Variants in CSMD1 observed in about 807,000 individuals in gnomAD.
CSMD1 encodes CUB and sushi domain-containing protein 1.
Under a neutral mutation model 417.5 loss-of-function variants are expected in CSMD1, and 213 were observed. That is an observed-to-expected ratio of 0.51 (90% CI 0.46 to 0.57). CSMD1 has a LOEUF of 0.57. CSMD1 is among the 20% of genes least tolerant of loss of function. The pLI is 0.00. For synonymous variants in CSMD1, 2,862 were observed against 1,736.8 expected, an observed-to-expected ratio of 1.65 and a Z score of -16.11; for missense variants, 6,923 against 4,529.7, an observed-to-expected ratio of 1.53 and a Z score of -15.17.
At chr8:4,479,964 TC>T (rs1211352829) in intron 2 of CSMD1, among the ~76,000 whole-genome samples, 14 of 129,950 alleles carry the variant, frequency 1.1e-4, no homozygotes, top group Non-Finnish European at 2.0e-4. Flanking sequence ...AGTCTCTGTC[TC>T]AAAAAAAAAA....
intron 4 of CSMD1, among the ~76,000 whole-genome samples, chr8:4,025,883 C>T (rs922152962): frequency 6.6e-6 from 1 of 151,892 alleles, no homozygotes; most frequent in African/African-American, 2.4e-5. Context: ...ATCACGGCTA[C>T]ATATATAATA....
At chr8:3,090,508 T>G (rs987929274) in intron 48 of CSMD1, among the ~76,000 whole-genome samples, 1 of 152,106 alleles carries the variant, frequency 6.6e-6, no homozygotes, top group African/African-American at 2.4e-5. Flanking sequence ...TTTCAAAATC[T>G]TGATGCTTTT....
intron 11 of CSMD1, among the ~76,000 whole-genome samples, chr8:3,490,061 G>A (rs1264950772): frequency 5.3e-5 from 8 of 152,150 alleles, no homozygotes; most frequent in African/African-American, 1.2e-4. Context: ...AGTATTTGTC[G>A]ATGTATCGCC....
chr8:4,199,357 A>G (rs1482279019), intron 3 of CSMD1, among the ~76,000 whole-genome samples: 3 of 152,212 alleles, frequency 2.0e-5, no homozygotes, highest in Non-Finnish European at 4.4e-5. Context: ...TAAAGCACAT[A>G]GATGCTTTAA....
intron 1 of CSMD1, among the ~76,000 whole-genome samples, chr8:4,738,641 A>G (rs1032118615): frequency 8.5e-5 from 13 of 152,164 alleles, no homozygotes; most frequent in African/African-American, 1.2e-4. Context: ...ACATTTTCCA[A>G]CAGCATCGTT....
intron 2 of CSMD1, among the ~76,000 whole-genome samples, chr8:4,592,562 T>A (rs1292695695): frequency 6.6e-6 from 1 of 152,006 alleles, no homozygotes; most frequent in Non-Finnish European, 1.5e-5. Flanking sequence ...AATTTTTGTA[T>A]TTTTAGTAGA....
chr8:3,927,096 A>G (rs1203900174), intron 5 of CSMD1, among the ~76,000 whole-genome samples: 1 of 151,946 alleles, frequency 6.6e-6, no homozygotes, highest in African/African-American at 2.4e-5. Flanking sequence ...ATCTTTAGGT[A>G]TTATTATCGT....
At chr8:3,658,117 T>C (rs190270956) in intron 7 of CSMD1, among the ~76,000 whole-genome samples, 1 of 152,034 alleles carries the variant, frequency 6.6e-6, no homozygotes, top group South Asian at 2.1e-4. Context: ...TATCATCAAA[T>C]AAAAAACCAA....
At chr8:3,605,274 G>A (rs557304624) in intron 8 of CSMD1, among the ~76,000 whole-genome samples, 119 of 152,264 alleles carry the variant, frequency 7.8e-4, no homozygotes, top group African/African-American at 2.7e-3. Context: ...ACAGGCGTGC[G>A]CCATCGCGCC....
intron 8 of CSMD1, among the ~76,000 whole-genome samples, chr8:3,590,719 C>T (rs576703680): frequency 2.0e-5 from 3 of 152,144 alleles, no homozygotes; most frequent in South Asian, 2.1e-4. Context: ...AGCTGGCAAA[C>T]AGAGCCAATG....
chr8:3,977,532 C>G (rs1449535686), intron 5 of CSMD1, among the ~76,000 whole-genome samples: 1 of 152,082 alleles, frequency 6.6e-6, no homozygotes, highest in African/African-American at 2.4e-5. Context: ...TTGGATTCTG[C>G]TGTTCAGAGC....
chr8:3,398,580 G>C (rs1030679490), intron 16 of CSMD1, among the ~76,000 whole-genome samples: 9 of 152,066 alleles, frequency 5.9e-5, no homozygotes, highest in African/African-American at 1.9e-4. Context: ...TAATATTCCG[G>C]ATACTGAAAT....
chr8:2,967,644 T>G (rs553103962), intron 57 of CSMD1, among the ~76,000 whole-genome samples: 49 of 152,312 alleles, frequency 3.2e-4, no homozygotes, highest in African/African-American at 1.0e-3. Flanking sequence ...AAGTGACCCT[T>G]GGCTGGTTAA....
intron 1 of CSMD1, among the ~76,000 whole-genome samples, chr8:4,954,839 G>A (rs1808982830): frequency 6.6e-6 from 1 of 152,096 alleles, no homozygotes; most frequent in African/African-American, 2.4e-5. Flanking sequence ...TTTTGCTTTT[G>A]GTGTTGACAA....
At chr8:3,964,073 T>C (rs961275982) in intron 5 of CSMD1, among the ~76,000 whole-genome samples, 2 of 152,232 alleles carry the variant, frequency 1.3e-5, no homozygotes, top group African/African-American at 4.8e-5. Context: ...GGTGCTTGCT[T>C]GAATAACTTT....
chr8:4,005,528 C>G (rs548358441), intron 4 of CSMD1, among the ~76,000 whole-genome samples: 3 of 152,166 alleles, frequency 2.0e-5, no homozygotes, highest in African/African-American at 7.2e-5. Flanking sequence ...CCTTTCTCAA[C>G]GAATTGGCTC....
At chr8:4,018,069 G>C (rs1247894780) in intron 4 of CSMD1, among the ~76,000 whole-genome samples, 3 of 149,666 alleles carry the variant, frequency 2.0e-5, no homozygotes, top group South Asian at 2.1e-4. Flanking sequence ...ATGTATGCTT[G>C]CAAAAATAAG....
chr8:4,288,885 A>T (rs1797207995), intron 3 of CSMD1, among the ~76,000 whole-genome samples: 1 of 152,202 alleles, frequency 6.6e-6, no homozygotes, highest in Non-Finnish European at 1.5e-5. Flanking sequence ...AGTAAATATT[A>T]GTTACTTAAC....
intron 1 of CSMD1, among the ~76,000 whole-genome samples, chr8:4,695,107 G>A (rs1402203871): frequency 6.7e-6 from 1 of 149,704 alleles, no homozygotes; most frequent in Non-Finnish European, 1.5e-5. Context: ...ACTTAAGCCT[G>A]GGGTCTGAAC....
Sources: allele counts gnomAD v4.1 joint callset (sites outside exome capture counted in the v4.1 genomes callset), GRCh38; gene constraint gnomAD v4.1.1; transcripts MANE v1.5; gene names NCBI Gene and HGNC (gene_info 2026-07-23, HGNC 2026-07-21).